The following CIC variants were observed in gnomAD, a reference collection of about 807,000 sequenced individuals.
CIC encodes the protein capicua transcriptional repressor, also known as protein capicua homolog.
A neutral mutation model predicts 115.7 loss-of-function variants in CIC; 18 were observed. The observed-to-expected ratio is 0.16, with a 90% CI of 0.11 to 0.23. The LOEUF (loss-of-function observed/expected upper bound fraction) is 0.23. CIC is among the 10% of genes least tolerant of loss of function. The pLI is 1.00. For missense variants in CIC, 2,000 were observed against 2,159.3 expected (o/e 0.93, Z 1.46); for synonymous variants, 1,076 against 923.0 (o/e 1.17, Z -3.01).
Position 42,295,433 on chromosome 19 carries a change from G to T in CIC, c.*242G>T. The T allele has an allele frequency of 3.9e-6, 2 of 514,634 alleles. No individual in the cohort carries two copies. The highest frequency in any genetic ancestry group is 5.1e-4 in the Middle Eastern group (1 of 1,974). 31.9% of individuals were successfully genotyped at this position (514,634 alleles called of 1,614,324 possible). A position where few individuals can be genotyped will look rare whatever the true frequency, so the allele number is the denominator to read the frequency against. On this transcript the variant is annotated 3_prime_UTR_variant, in exon 21 of 21. Coordinates refer to ENST00000681038, the MANE Select transcript of CIC (RefSeq NM_001386298.1). ...CAAGCCCCTGTACATAACCTGGAGC[G>T]TGTGACCTTCAGAGCTTTTCACTTT...
chr19:42,285,396 G>A (rs920786116), intron 2 of CIC, among the ~76,000 whole-genome samples: 1 of 152,196 alleles, frequency 6.6e-6, no homozygotes. Flanking sequence ...TTTATATGGG[G>A]TTGGAGGGCC....
chr19:42,292,544 C>T (rs748193102), intron 14 of CIC, 22 bp from the exon 15 acceptor site: 28 of 1,592,740 alleles, frequency 1.8e-5, no homozygotes, highest in Non-Finnish European at 2.2e-5. Flanking sequence ...TGGTCTCCTG[C>T]TTCTTCTTCT....
chr19:42,279,735 G>A (rs752694763), intron 2 of CIC, among the ~76,000 whole-genome samples: 42 of 152,208 alleles, frequency 2.8e-4, no homozygotes, highest in Admixed American at 9.8e-4. Context: ...GAGCAGGGGA[G>A]GGAAAATGTT....
In CIC at chr19:42,294,615, G is replaced by A. The variant is rs1208839054; in HGVS notation, c.7066G>A (p.Glu2356Lys). Residue 2356 changes from glutamate to lysine, a missense_variant, in exon 20 of 21, where the codon GAG becomes AAG. Physicochemically the swap from Glu to Lys is moderately conservative, Grantham distance 56. Coordinates refer to ENST00000681038, the MANE Select transcript of CIC (RefSeq NM_001386298.1). ...TGTGCCCTGCACAGGTACAGAAGCC[G>A]AGGACGTGCTTGGGGAGCTAGAGTA... The part of the protein sequence containing the change: ...FTFDRTGTEA[E>K]DVLGELEYDK... 2 of 1,613,568 alleles carry A rather than the reference G, an allele frequency of 1.2e-6. No individual in the cohort carries two copies. Among genetic ancestry groups the A allele is most frequent in the Non-Finnish European group, 8.5e-7 (1 of 1,180,016 alleles).
chr19:42,293,069 G>A lies in CIC; in HGVS notation c.6310G>A (p.Gly2104Ser), dbSNP rs781175770. 2.0e-5 allele frequency: 32 copies of A among 1,611,684 alleles called. No homozygotes were observed. The highest frequency in any genetic ancestry group is 2.4e-5 in the Non-Finnish European group (28 of 1,179,440). Residue 2104 changes from glycine to serine, a missense_variant, in exon 16 of 21, where the codon GGT becomes AGT. Transcript: ENST00000681038. ...ASIPVGSFEA[G>S]ASGRPGPAPR... ...CATTCCCGTGGGGTCCTTTGAGGCAGGTGCCTCTGGGCGGCCTGGCCCTGC... is the reference window on the plus strand; with the variant it reads ...CATTCCCGTGGGGTCCTTTGAGGCAAGTGCCTCTGGGCGGCCTGGCCCTGC...
In CIC at chr19:42,269,288, A is replaced by C. The variant is rs1242972819; in HGVS notation, c.-104A>C. On this transcript the variant is annotated 5_prime_UTR_variant, in exon 1 of 21. Coordinates refer to ENST00000681038, the MANE Select transcript of CIC (RefSeq NM_001386298.1). Reference sequence around the variant, plus strand: ...TGTTGGAGTAAAAAAAAAAGGGAGAATCGAGAGGGAGAGCCGGAGGGGGGG... The same window carrying C: ...TGTTGGAGTAAAAAAAAAAGGGAGACTCGAGAGGGAGAGCCGGAGGGGGGG... 7.0e-6 allele frequency: 1 copy of C among 143,380 alleles called. No homozygotes were observed. The highest frequency in any genetic ancestry group is 2.6e-5 in the African/African-American group (1 of 38,966). The allele number at this position is 143,380 out of a possible 1,614,324, so 8.9% of individuals were successfully genotyped here.
chr19:42,290,855 G>A lies in CIC; in HGVS notation c.4814G>A (p.Arg1605Gln), dbSNP rs200405570. The change falls in exon 11 of 21, where the codon CGG (arginine) becomes CAG (glutamine). Residue 1605 changes from arginine (R) to glutamine (Q), a missense_variant. By Grantham distance (43) the Arg-to-Gln change is conservative. Coordinates refer to ENST00000681038, the MANE Select transcript of CIC (RefSeq NM_001386298.1). The part of the protein sequence containing the change: ...IASKPFPTSG[R>Q]AEASPNDTAG... ...TCTAAGCCCTTCCCCACCTCTGGCCGGGCTGAGGCGTCTCCAAATGACACA... is the reference window on the plus strand; with the variant it reads ...TCTAAGCCCTTCCCCACCTCTGGCCAGGCTGAGGCGTCTCCAAATGACACA... 3.5e-5 allele frequency: 57 copies of A among 1,611,264 alleles called. No individual in the cohort carries two copies. The highest frequency in any genetic ancestry group is 4.1e-5 in the Non-Finnish European group (48 of 1,179,110).
chr19:42,288,422 G>C (rs1408576362), intron 7 of CIC, among the ~76,000 whole-genome samples: 2 of 152,180 alleles, frequency 1.3e-5, no homozygotes, highest in African/African-American at 4.8e-5. Context: ...CCCCTGATGG[G>C]CTGCTTCCAC....
intron 7 of CIC, 116 bp from the exon 8 acceptor site, chr19:42,288,772 C>A: frequency 2.2e-6 from 2 of 921,132 alleles, no homozygotes; most frequent in Admixed American, 2.0e-5. Flanking sequence ...ACCAAGTGGC[C>A]CAGAAATTCC....
At chr19:42,269,561 A>AG (rs2036688153) in intron 1 of CIC, among the ~76,000 whole-genome samples, 180 bp downstream of exon 1, 1 of 8,262 alleles carries the variant, frequency 1.2e-4, no homozygotes, top group Non-Finnish European at 2.4e-4. Context: ...TAACTGGGGG[A>AG]GGGGGTGGTG....
rs1243807592 is a variant in CIC, at chr19:42,293,013, C to T, written c.6254C>T (p.Ala2085Val). 1.9e-6 allele frequency: 3 copies of T among 1,613,412 alleles called. No individual in the cohort carries two copies. The highest frequency in any genetic ancestry group is 1.3e-5 in the African/African-American group (1 of 75,066). The change falls in exon 16 of 21, where the codon GCC (alanine) becomes GTC (valine). Residue 2085 changes from alanine to valine, a missense_variant. Ala to Val is a moderately conservative substitution (Grantham distance 64, BLOSUM62 0). Transcript: ENST00000681038. ...AAGGCCCAGCGGCCCAGCCCGAAGG[C>T]CCCCCAGAAAGTGAAGGCAGCCATC... ...APKAQRPSPK[A>V]PQKVKAAIAS...
rs200883150 is a variant in CIC at position 42,287,445 on chromosome 19, A to G, written c.3305A>G (p.Asn1102Ser). 3.4e-5 allele frequency: 55 copies of G among 1,613,344 alleles called. No homozygotes were observed. The highest frequency in any genetic ancestry group is 3.6e-5 in the Non-Finnish European group (43 of 1,180,002). ...SSSEKDGRSPNKREKDHIRRP... is the reference protein window; with the variant it reads ...SSSEKDGRSPSKREKDHIRRP... The stretch of plus-strand genomic sequence containing the variant: ...TCTGAGAAGGATGGACGCAGCCCCA[A>G]CAAGGTACTTTATCCCTGCCTGTCC... Residue 1102 changes from asparagine (N) to serine (S), a missense_variant, in exon 5 of 21, where the codon AAC becomes AGC. Coordinates refer to ENST00000681038, the MANE Select transcript of CIC (RefSeq NM_001386298.1). This position sits in a 1 kb window ranked among gnomAD's most constrained non-coding sequence, Gnocchi z 8.7.
chr19:42,289,137 A>G (rs1447716488), intron 8 of CIC, 44 bp from the exon 9 acceptor site: 1 of 1,613,256 alleles, frequency 6.2e-7, no homozygotes, highest in African/African-American at 1.3e-5. Flanking sequence ...GAACCTGTCC[A>G]GGGCAGCAGC....
rs574468163 is a variant in CIC, at chr19:42,288,634, C to T, written c.3659-254C>T. On this transcript the variant is annotated intron_variant, in intron 7 of 20. Coordinates refer to ENST00000681038, the MANE Select transcript of CIC (RefSeq NM_001386298.1). ...GGTTGGCTAGCCAGCACCACATGAA[C>T]CTCTCTCCAGGCCTCCTTACTTTCA... 3.9e-5 allele frequency among the ~76,000 whole-genome samples: 6 copies of T among 152,278 alleles called. No homozygotes were observed. The South Asian group carries it at 6.2e-4, about 16-fold the overall frequency.
In CIC at chr19:42,295,143, G is replaced by GGGGCCC; in HGVS notation, c.7506_7507insGGGCCC (p.Gln2502_Pro2503insGlyPro). 2.2e-5 allele frequency: 31 copies of GGGGCCC among 1,382,642 alleles called. No homozygotes were observed. The highest frequency in any genetic ancestry group is 2.7e-5 in the Non-Finnish European group (28 of 1,037,746). 85.6% of individuals were successfully genotyped at this position (1,382,642 alleles called of 1,614,324 possible). Reference sequence around the variant, plus strand: ...AGCCTGGCTGGGAGGGGGCTCCCCAGCCCTCCCCCCCACCCCCAGGTCCCT... The same window carrying GGGGCCC: ...AGCCTGGCTGGGAGGGGGCTCCCCAGGGGCCCCCCTCCCCCCCACCCCCAGGTCCCT... On this transcript the variant is annotated inframe_insertion, in exon 21 of 21. Coordinates refer to ENST00000681038, the MANE Select transcript of CIC (RefSeq NM_001386298.1).
Position 42,272,062 on chromosome 19 carries a change from C to T in CIC, c.279C>T (p.Pro93=). ...CGGCTCCAGGCCCAGCAGAGGACCC[C>T]AAAGGGGATGGGGAGGCAGGCCGCT... ...GDPAPGPAED[P]KGDGEAGRWE... is the part of the protein sequence containing the mutation. The change falls in exon 2 of 21, where the codon CCC becomes CCT. Residue 93 remains proline, a synonymous_variant. Transcript: ENST00000681038. 2.5e-6 allele frequency: 1 copy of T among 399,018 alleles called. No individual in the cohort carries two copies. 24.7% of individuals were successfully genotyped at this position (399,018 alleles called of 1,614,324 possible). A position where few individuals can be genotyped will look rare whatever the true frequency, so the allele number is the denominator to read the frequency against.
upstream of CIC, chr19:42,269,175 A>G (rs1006337933): frequency 1.3e-5 from 2 of 151,222 alleles, no homozygotes; most frequent in Non-Finnish European, 2.9e-5. Context: ...GCGGATATCT[A>G]TTGGTCTAGG....
At chr19:42,279,443 A>G (rs741070) in intron 2 of CIC, among the ~76,000 whole-genome samples, 7,201 of 151,438 alleles carry the variant, frequency 0.048, 246 homozygotes, top group South Asian at 0.14. Context: ...AGGGAGGATC[A>G]GGTAGGTTTC....
At chr19:42,293,435 T>C (rs772716048) in intron 16 of CIC, among the ~76,000 whole-genome samples, 154 bp downstream of exon 16, 22 of 152,192 alleles carry the variant, frequency 1.4e-4, no homozygotes, top group Non-Finnish European at 2.6e-4. Flanking sequence ...TGTTGTCTCC[T>C]CTCCCATCTG....
Sources: gnomAD v4.1 joint callset for allele counts (sites outside exome capture counted in the v4.1 genomes callset) on GRCh38, gnomAD v4.1.1 for gene constraint, Gnocchi (gnomAD v3.1) non-coding constraint, MANE v1.5 for transcripts, NCBI Gene and HGNC (gene_info 2026-07-23, HGNC 2026-07-21) for gene names.